The following ADGRG2 variants were observed in gnomAD, a reference collection of about 807,000 sequenced individuals.
The protein encoded by ADGRG2 is adhesion G protein-coupled receptor G2, also known as G protein-coupled receptor 64.
In ADGRG2, 26 loss-of-function variants were observed where a neutral mutation model predicts 74.1. That is an observed-to-expected ratio of 0.35 (90% confidence interval 0.26 to 0.49). The LOEUF (loss-of-function observed/expected upper bound fraction) is 0.49. ADGRG2 is among the 20% of genes least tolerant of loss of function. The pLI is 0.99. For missense variants in ADGRG2, 619 were observed against 763.1 expected (o/e 0.81, Z 2.22); for synonymous variants, 296 against 295.2 (o/e 1.00, Z -0.03).
chrX:19,048,738 G>A (rs899327739), intron 3 of ADGRG2, among the ~76,000 whole-genome samples: 5 of 112,189 alleles, frequency 4.5e-5, no homozygotes, highest in African/African-American at 9.7e-5. Context: ...GTCCTGGCCC[G>A]TGCTGATAAT....
At chrX:19,093,796 T>C (rs762326032) in intron 1 of ADGRG2, among the ~76,000 whole-genome samples, 1 of 111,242 alleles carries the variant, frequency 9.0e-6, no homozygotes. Flanking sequence ...TGGTCACTAA[T>C]GGGCACGTGT....
At chrX:19,034,850 C>A (rs1372859665) in intron 7 of ADGRG2, 1 of 109,905 alleles carries the variant, frequency 9.1e-6, no homozygotes, top group Admixed American at 9.7e-5. Context: ...AGGAGAATGG[C>A]GTGAACCCGG....
chrX:19,001,700 A>G (rs746702085), intron 24 of ADGRG2, among the ~76,000 whole-genome samples: 12 of 111,743 alleles, frequency 1.1e-4, no homozygotes, highest in African/African-American at 1.6e-4. Context: ...TAGTGACATA[A>G]GATAGAAGGC....
rs61296210 is a variant in ADGRG2, at chrX:19,093,902, T to TACACACACAC, written c.-46-11166_-46-11157dup. Among the ~76,000 whole-genome samples, 239 of 100,193 alleles carry TACACACACAC rather than the reference T, an allele frequency of 2.4e-3. 2 individuals carry two copies. The highest frequency in any genetic ancestry group is 8.0e-3 in the African/African-American group (220 of 27,553). The allele number at this position is 100,193 out of a possible 115,157, so 87.0% of individuals were successfully genotyped here. Reference sequence around the variant, plus strand: ...TGGACATAAATGTGGTATGTAGGTATACACACACACACACACACACACACA... The same window carrying TACACACACAC: ...TGGACATAAATGTGGTATGTAGGTATACACACACACACACACACACACACACACACACACA... On this transcript the variant is annotated intron_variant, in intron 1 of 28. Transcript: ENST00000379869.
chrX:19,070,002 C>A (rs189478364), intron 2 of ADGRG2, among the ~76,000 whole-genome samples: 1 of 111,877 alleles, frequency 8.9e-6, no homozygotes, highest in African/African-American at 3.3e-5. Flanking sequence ...GCTCGGGGGT[C>A]GCGGGCAACC....
At chrX:19,004,699 G>A in intron 23 of ADGRG2, 59 bp downstream of exon 23, 2 of 1,130,668 alleles carry the variant, frequency 1.8e-6, no homozygotes, top group Non-Finnish European at 2.4e-6. Flanking sequence ...GTTAATAAAT[G>A]TTGGCAATGG....
rs1360870961 is a variant in ADGRG2 at position 19,023,929 on chromosome X, T to C, written c.490A>G (p.Thr164Ala). 8 of 1,188,420 alleles carry C rather than the reference T, an allele frequency of 6.7e-6. No homozygotes were observed. In the East Asian group the frequency reaches 1.8e-4, roughly 26 times the overall value. ...ATTACCTCACTTAGGGTTTGCAGGG[T>C]TTTGTTGAGCTCTGAGCGTCTGTAA... ...SELKRSELNK[T>A]LQTLSETYFI... The change falls in exon 12 of 29, where the codon ACC becomes GCC. Residue 164 changes from threonine (T) to alanine (A), a missense_variant. By Grantham distance (58) the Thr-to-Ala change is moderately conservative. This residue lies in a region of ADGRG2 where 292 missense variants were observed against 318.0 expected (regional missense o/e 0.92). Coordinates refer to ENST00000379869, the MANE Select transcript of ADGRG2 (RefSeq NM_001079858.3).
At chrX:19,066,445 CTTTT>C (rs1225489257) in intron 3 of ADGRG2, among the ~76,000 whole-genome samples, 1 of 39,939 alleles carries the variant, frequency 2.5e-5, no homozygotes, top group Non-Finnish European at 4.3e-5. Context: ...GAGGATGCTT[CTTTT>C]TTTTTTTTTT....
In ADGRG2 at chrX:19,010,755, A is replaced by G; in HGVS notation, c.1123T>C (p.Ser375Pro). 1.7e-6 allele frequency: 2 copies of G among 1,202,430 alleles called. No homozygotes were observed. Among genetic ancestry groups the G allele is most frequent in the Non-Finnish European group, 2.2e-6 (2 of 889,374 alleles). The change falls in exon 17 of 29, where the codon TCT becomes CCT. Residue 375 changes from serine to proline, a missense_variant. Transcript: ENST00000379869. ...QTDIVNTSSI[S>P]DLENQVLQME... ...TGCAACACTTGGTTCTCAAGATCAG[A>G]AATACTGCTGGTGTTGACGATGTCT...
intron 2 of ADGRG2, among the ~76,000 whole-genome samples, chrX:19,082,103 G>GA (rs1200601211): frequency 5.7e-5 from 5 of 88,348 alleles, no homozygotes; most frequent in Admixed American, 1.3e-4. Flanking sequence ...AAAAAGAAAA[G>GA]AAAGAAAGAA....
At chrX:19,102,816 G>A (rs1233657573) in intron 1 of ADGRG2, among the ~76,000 whole-genome samples, 1 of 110,900 alleles carries the variant, frequency 9.0e-6, no homozygotes, top group Non-Finnish European at 1.9e-5. Flanking sequence ...CCCAGAAGAG[G>A]GAACTCACCA....
At chrX:19,085,737 C>T (rs2061926314) in intron 1 of ADGRG2, among the ~76,000 whole-genome samples, 1 of 111,688 alleles carries the variant, frequency 9.0e-6, no homozygotes, top group Non-Finnish European at 1.9e-5. Context: ...CAAATTGCTA[C>T]TCCATAGACC....
chrX:19,031,084 G>A, intron 8 of ADGRG2, 47 bp from the exon 9 acceptor site: 1 of 884,211 alleles, frequency 1.1e-6, no homozygotes, highest in Non-Finnish European at 1.7e-6. Context: ...CAATGCCCGT[G>A]TTTATGTGCT....
chrX:19,003,577 G>C (rs1184631514), intron 23 of ADGRG2, among the ~76,000 whole-genome samples: 1 of 111,264 alleles, frequency 9.0e-6, no homozygotes, highest in Non-Finnish European at 1.9e-5. Flanking sequence ...TATGGGGTGG[G>C]GGGGAGCTTA....
chrX:19,116,506 C>CAAAATAAAAA (rs2062517495), intron 1 of ADGRG2, among the ~76,000 whole-genome samples: 1 of 24,024 alleles, frequency 4.2e-5, no homozygotes, highest in African/African-American at 1.3e-4. Flanking sequence ...GATTCCGTCT[C>CAAAATAAAAA]AAAAAAAAAA....
At chrX:19,115,694 C>T (rs956339152) in intron 1 of ADGRG2, among the ~76,000 whole-genome samples, 1 of 111,380 alleles carries the variant, frequency 9.0e-6, no homozygotes, top group Non-Finnish European at 1.9e-5. Flanking sequence ...CGGTGGCTCC[C>T]GCCTATAATC....
chrX:19,077,100 AG>A (rs2061760867), intron 2 of ADGRG2, among the ~76,000 whole-genome samples: 1 of 111,197 alleles, frequency 9.0e-6, no homozygotes, highest in South Asian at 3.8e-4. Context: ...CTAGTGGAGG[AG>A]GAAAACAGTT....
rs759905968 is a variant in ADGRG2, at chrX:19,010,773, C to A, written c.1105G>T (p.Val369Phe). Residue 369 changes from valine (V) to phenylalanine (F), a missense_variant, in exon 17 of 29, where the codon GTC (valine) becomes TTC (phenylalanine). Physicochemically the swap from Val to Phe is conservative, Grantham distance 50 (BLOSUM62 -1). Around this residue, in one of 3 missense-constraint regions of ADGRG2, gnomAD observed 292 missense variants for 318.0 expected, o/e 0.92. Transcript: ENST00000379869. ...AGATCAGAAATACTGCTGGTGTTGA[C>A]GATGTCTATATCAAAGAGCCAAATC... is the stretch of plus-strand genomic sequence containing the variant. ...TSAPPVQTDIVNTSSISDLEN... is the reference protein window; with the variant it reads ...TSAPPVQTDIFNTSSISDLEN... The A allele has an allele frequency of 2.5e-6, 3 of 1,189,566 alleles. No individual in the cohort carries two copies. Among genetic ancestry groups the A allele is most frequent in the Non-Finnish European group, 3.4e-6 (3 of 880,715 alleles).
chrX:19,108,706 T>C (rs753078180), intron 1 of ADGRG2, among the ~76,000 whole-genome samples: 1 of 111,487 alleles, frequency 9.0e-6, no homozygotes, highest in East Asian at 2.8e-4. Context: ...ACAGGCACAA[T>C]ATGTGGCATT....
Sources: gnomAD v4.1 joint callset for allele counts (sites outside exome capture counted in the v4.1 genomes callset) on GRCh38, gnomAD v4.1.1 for gene constraint, gnomAD v4.1.1 regional missense constraint, MANE v1.5 for transcripts, NCBI Gene and HGNC (gene_info 2026-07-23, HGNC 2026-07-21) for gene names.